Variants in GPC5 observed in about 807,000 individuals in gnomAD.
GPC5 encodes glypican-5.
A neutral mutation model predicts 53.9 loss-of-function variants in GPC5; 47 were observed. The observed-to-expected ratio is 0.87, with a 90% CI of 0.69 to 1.11. The LOEUF is 1.11. Ranked by LOEUF, GPC5 falls within the 50% of genes most tolerant of loss-of-function variation. GPC5 has a pLI of 0.00. For missense variants in GPC5, 748 were observed against 713.1 expected (o/e 1.05, Z -0.56); for synonymous variants, 286 against 263.3 (o/e 1.09, Z -0.84).
intron 2 of GPC5, among the ~76,000 whole-genome samples, chr13:91,680,395 G>A (rs1352579944): frequency 1.3e-5 from 2 of 152,212 alleles, no homozygotes; most frequent in Admixed American, 6.5e-5. Context: ...GTTGCAGTGA[G>A]CAAAGATCGC....
chr13:91,405,547 T>C (rs1378674781), intron 1 of GPC5, among the ~76,000 whole-genome samples: 1 of 152,182 alleles, frequency 6.6e-6, no homozygotes, highest in Admixed American at 6.5e-5. Context: ...TTACACCACT[T>C]ATTATGGTGG....
In GPC5 at chr13:91,532,900, A is replaced by G. The variant is rs569868981; in HGVS notation, c.325+83978A>G. 3.0e-4 allele frequency among the ~76,000 whole-genome samples: 46 copies of G among 152,270 alleles called. 1 individual carries two copies. In the South Asian group the frequency reaches 9.3e-3, roughly 31 times the overall value. On this transcript the variant is annotated intron_variant, in intron 2 of 7. Coordinates refer to ENST00000377067, the MANE Select transcript of GPC5 (RefSeq NM_004466.6). ...AAAATAAAATAAAATGATATAAAGT[A>G]AAAGATCTTGACCTAATGGAGAAGA...
intron 7 of GPC5, among the ~76,000 whole-genome samples, chr13:92,569,653 C>T (rs930745248): frequency 3.7e-4 from 57 of 152,092 alleles, no homozygotes; most frequent in Non-Finnish European, 6.9e-4. Flanking sequence ...GAGACATTAC[C>T]TTCTCCCCTA....
intron 7 of GPC5, among the ~76,000 whole-genome samples, chr13:92,752,521 G>T (rs1889439185): frequency 6.6e-6 from 1 of 152,164 alleles, no homozygotes; most frequent in Non-Finnish European, 1.5e-5. Flanking sequence ...CCGGTCTACA[G>T]CTCCCAGCGT....
intron 7 of GPC5, among the ~76,000 whole-genome samples, chr13:92,605,784 C>T (rs926125498): frequency 1.3e-5 from 2 of 150,952 alleles, no homozygotes; most frequent in Non-Finnish European, 2.9e-5. Flanking sequence ...CAAAAATACA[C>T]GGTTAGGACA....
intron 6 of GPC5, among the ~76,000 whole-genome samples, chr13:92,041,161 A>G (rs1474302869): frequency 6.6e-6 from 1 of 152,198 alleles, no homozygotes; most frequent in Non-Finnish European, 1.5e-5. Context: ...TTTAACTCTT[A>G]TTTATATGAA....
intron 7 of GPC5, among the ~76,000 whole-genome samples, chr13:92,638,566 C>G (rs1234123541): frequency 7.7e-6 from 1 of 129,634 alleles, no homozygotes; most frequent in Non-Finnish European, 1.9e-5. Flanking sequence ...TCTTATACTC[C>G]TCTTTCTCAG....
intron 7 of GPC5, among the ~76,000 whole-genome samples, chr13:92,369,222 C>T (rs1309495794): frequency 6.6e-6 from 1 of 152,212 alleles, no homozygotes; most frequent in African/African-American, 2.4e-5. Context: ...CTTTCTCTTT[C>T]ACCCAGGCTG....
intron 7 of GPC5, among the ~76,000 whole-genome samples, chr13:92,595,933 A>G (rs1424525024): frequency 6.6e-6 from 1 of 152,148 alleles, no homozygotes; most frequent in Non-Finnish European, 1.5e-5. Flanking sequence ...AAAGTTGACA[A>G]TGTGAAAATA....
At chr13:91,509,808 C>G (rs1885142674) in intron 2 of GPC5, among the ~76,000 whole-genome samples, 1 of 151,974 alleles carries the variant, frequency 6.6e-6, no homozygotes, top group African/African-American at 2.4e-5. Context: ...ACCTGGATTT[C>G]TGGTACTTAT....
chr13:91,775,367 T>TC (rs1166675777), intron 5 of GPC5, among the ~76,000 whole-genome samples: 3 of 152,026 alleles, frequency 2.0e-5, no homozygotes, highest in African/African-American at 7.3e-5. Context: ...GCCTCATTTT[T>TC]CCCCCCTCTG....
chr13:91,746,356 A>G (rs529291580), intron 4 of GPC5, among the ~76,000 whole-genome samples: 2 of 152,296 alleles, frequency 1.3e-5, no homozygotes, highest in African/African-American at 4.8e-5. Context: ...AAATCAATAT[A>G]TGTCATTAAG....
chr13:91,463,993 G>A (rs1882088563), intron 2 of GPC5, among the ~76,000 whole-genome samples: 1 of 152,088 alleles, frequency 6.6e-6, no homozygotes, highest in South Asian at 2.1e-4. Flanking sequence ...AACTGCATAT[G>A]TGATGAAGTA....
At chr13:92,133,193 C>T (rs2041758423) in intron 6 of GPC5, among the ~76,000 whole-genome samples, 1 of 152,134 alleles carries the variant, frequency 6.6e-6, no homozygotes. Context: ...GCAAAAGAGG[C>T]TTTCAATTTG....
At chr13:91,717,246 C>A (rs2036358242) in intron 3 of GPC5, among the ~76,000 whole-genome samples, 1 of 152,194 alleles carries the variant, frequency 6.6e-6, no homozygotes, top group South Asian at 2.1e-4. Context: ...AAGTGGAGTG[C>A]TGGGAAATTT....
At chr13:92,397,005 A>C (rs1875311936) in intron 7 of GPC5, among the ~76,000 whole-genome samples, 1 of 152,216 alleles carries the variant, frequency 6.6e-6, no homozygotes, top group South Asian at 2.1e-4. Flanking sequence ...CCATGTGCTA[A>C]TGCCAAGAGG....
At chr13:92,624,021 AT>A (rs35439842) in intron 7 of GPC5, among the ~76,000 whole-genome samples, 68,754 of 145,312 alleles carry the variant, frequency 0.47, 16,295 homozygotes, top group Admixed American at 0.56. Context: ...TGCTCGGCTA[AT>A]TTTTTTTTTT....
At position 91,512,919 on chromosome 13, in the gene GPC5, G is replaced by A. The variant is rs926708033; in HGVS notation, c.325+63997G>A. On this transcript the variant is annotated intron_variant, in intron 2 of 7. Transcript: ENST00000377067. The stretch of plus-strand genomic sequence containing the variant: ...TTGGTTCTCATTATTATTAAGGGTA[G>A]AAAAAAGTTTTTCTTGATAACTTTT... Among the ~76,000 whole-genome samples, 3 of 151,988 alleles carry A rather than the reference G, an allele frequency of 2.0e-5. No individual in the cohort carries two copies. The East Asian group carries it at 5.8e-4, about 29-fold the overall frequency.
intron 7 of GPC5, among the ~76,000 whole-genome samples, chr13:92,727,314 C>T (rs990223520): frequency 6.6e-6 from 1 of 151,546 alleles, no homozygotes; most frequent in African/African-American, 2.4e-5. Flanking sequence ...TTAATTCAAA[C>T]ATTTTCACTA....
Sources: gnomAD v4.1 joint callset for allele counts (sites outside exome capture counted in the v4.1 genomes callset) on GRCh38, gnomAD v4.1.1 for gene constraint, MANE v1.5 for transcripts, NCBI Gene and HGNC (gene_info 2026-07-23, HGNC 2026-07-21) for gene names.